The following HTR4 variants were observed in gnomAD, a reference collection of about 807,000 sequenced individuals.
The protein encoded by HTR4 is 5-hydroxytryptamine (serotonin) receptor 4, G protein-coupled.
In HTR4, 16 loss-of-function variants were observed where a neutral mutation model predicts 36.8. The observed-to-expected ratio is 0.43, with a 90% CI of 0.29 to 0.66. The LOEUF (loss-of-function observed/expected upper bound fraction) is 0.66. HTR4 is among the 30% of genes least tolerant of loss of function. The pLI is 0.13. For synonymous variants in HTR4, 189 were observed against 185.1 expected, an observed-to-expected ratio of 1.02 and a Z score of -0.17; for missense variants, 438 against 490.9, an observed-to-expected ratio of 0.89 and a Z score of 1.02.
chr5:148,590,297 T>C (rs528651213), intron 2 of HTR4, among the ~76,000 whole-genome samples: 4 of 124,110 alleles, frequency 3.2e-5, no homozygotes, highest in South Asian at 2.9e-4. Context: ...CTTTTTTTTT[T>C]TTTTTTTTTT....
Position 148,481,754 on chromosome 5 carries a change from G to A in HTR4, c.*1449C>T. 7.0e-7 allele frequency: 1 copy of A among 1,421,250 alleles called. No individual in the cohort carries two copies. Among genetic ancestry groups the A allele is most frequent in the Non-Finnish European group, 9.1e-7 (1 of 1,096,916 alleles). 88.0% of individuals were successfully genotyped at this position (1,421,250 alleles called of 1,614,324 possible). On this transcript the variant is annotated 3_prime_UTR_variant, in exon 7 of 7. Coordinates refer to ENST00000377888, the MANE Select transcript of HTR4 (RefSeq NM_000870.7). ...CAAGATCAAAGTCAGAATCTCACAT[G>A]GCTCTGGGTTTGGCATTTACCTTCC...
At chr5:148,636,839 T>C in intron 2 of HTR4, 150 bp downstream of exon 2, 1 of 488,946 alleles carries the variant, frequency 2.0e-6, no homozygotes, top group Non-Finnish European at 3.7e-6. Flanking sequence ...ACACTAATAA[T>C]CAAACAGTAC....
chr5:148,538,738 T>TG (rs1758955278), intron 4 of HTR4, among the ~76,000 whole-genome samples: 1 of 151,904 alleles, frequency 6.6e-6, no homozygotes, highest in African/African-American at 2.4e-5. Flanking sequence ...CACAAAGAAA[T>TG]GGAAAAACAT....
chr5:148,644,007 C>T (rs1290261097), intron 1 of HTR4, among the ~76,000 whole-genome samples: 1 of 152,176 alleles, frequency 6.6e-6, no homozygotes, highest in Non-Finnish European at 1.5e-5. Context: ...CAAGTTTAGG[C>T]ATGCATAAGA....
intron 1 of HTR4, chr5:148,644,900 G>A (rs1472324813): frequency 1.3e-5 from 2 of 152,110 alleles, no homozygotes; most frequent in Non-Finnish European, 2.9e-5. Context: ...GATCTGCAGG[G>A]AAATGAAGCA....
intron 5 of HTR4, among the ~76,000 whole-genome samples, chr5:148,459,065 A>C (rs1458438374): frequency 2.6e-5 from 4 of 152,174 alleles, no homozygotes; most frequent in Non-Finnish European, 5.9e-5. Flanking sequence ...AGGTATTGAG[A>C]TGTAGTTGGA....
chr5:148,477,659 T>C (rs1755742146), downstream of HTR4, among the ~76,000 whole-genome samples: 1 of 152,236 alleles, frequency 6.6e-6, no homozygotes, highest in African/African-American at 2.4e-5. Flanking sequence ...GTGTCTCATG[T>C]AAAATGCTTT....
At chr5:148,605,510 G>A (rs375041210) in intron 2 of HTR4, among the ~76,000 whole-genome samples, 3 of 151,354 alleles carry the variant, frequency 2.0e-5, no homozygotes, top group Admixed American at 6.6e-5. Flanking sequence ...CACCCGCCTC[G>A]GCCTCTGAAA....
chr5:148,528,811 G>A (rs1758412824), intron 4 of HTR4, among the ~76,000 whole-genome samples: 1 of 152,012 alleles, frequency 6.6e-6, no homozygotes, highest in South Asian at 2.1e-4. Context: ...AAATTTGCAA[G>A]TTCTTTGGAG....
rs753483038 is a variant in HTR4, at chr5:148,456,210, G to A, written c.1077-4938C>T. On this transcript the variant is annotated intron_variant, in intron 5 of 5. Transcript: ENST00000521530. ...GGTTTGAGTATTCCCAAGTCTGCAT[G>A]ATTCAAGCATATATTTTTAAGTTGG... is the stretch of plus-strand genomic sequence containing the variant. Among the ~76,000 whole-genome samples the A allele has an allele frequency of 9.3e-4, 141 of 152,250 alleles. 1 individual carries two copies. The highest frequency in any genetic ancestry group is 3.4e-3 in the Middle Eastern group (1 of 294).
intron 2 of HTR4, among the ~76,000 whole-genome samples, chr5:148,605,622 T>C (rs1196638551): frequency 2.6e-5 from 4 of 151,986 alleles, no homozygotes; most frequent in Non-Finnish European, 5.9e-5. Flanking sequence ...TTACTACCTA[T>C]ATTGAAGGAC....
chr5:148,523,056 T>TG, intron 5 of HTR4, 137 bp downstream of exon 5: 1 of 783,378 alleles, frequency 1.3e-6, no homozygotes, highest in Non-Finnish European at 2.0e-6. Context: ...TCAAAAGTGT[T>TG]AGCTTTAAAA....
intron 2 of HTR4, among the ~76,000 whole-genome samples, chr5:148,591,355 T>C (rs979942798): frequency 6.6e-6 from 1 of 152,186 alleles, no homozygotes; most frequent in African/African-American, 2.4e-5. Flanking sequence ...GTTTTTTTAA[T>C]ACTTCTATAA....
At chr5:148,497,715 G>C (rs184154318) in intron 6 of HTR4, among the ~76,000 whole-genome samples, 1 of 152,348 alleles carries the variant, frequency 6.6e-6, no homozygotes, top group East Asian at 1.9e-4. Flanking sequence ...TTAAGGATGA[G>C]ACAAGGACAA....
At chr5:148,531,044 A>T (rs993453865) in intron 4 of HTR4, among the ~76,000 whole-genome samples, 1 of 152,126 alleles carries the variant, frequency 6.6e-6, no homozygotes, top group African/African-American at 2.4e-5. Context: ...GAAACTAATT[A>T]ACTTGCTTTT....
At chr5:148,474,610 C>T (rs571763479), downstream of HTR4, among the ~76,000 whole-genome samples, 3 of 152,252 alleles carry the variant, frequency 2.0e-5, no homozygotes, top group African/African-American at 4.8e-5. Context: ...TTCATCCAGG[C>T]TACTAGACTA....
At chr5:148,583,686 A>G (rs1206297766) in intron 2 of HTR4, among the ~76,000 whole-genome samples, 1 of 152,060 alleles carries the variant, frequency 6.6e-6, no homozygotes, top group Non-Finnish European at 1.5e-5. Context: ...GAAGAAACAC[A>G]AAAGTGTCCA....
chr5:148,515,297 C>G (rs1757689450), intron 5 of HTR4, among the ~76,000 whole-genome samples: 2 of 152,104 alleles, frequency 1.3e-5, no homozygotes, highest in Non-Finnish European at 2.9e-5. Context: ...CCACGCCTGC[C>G]TTTTATGCTA....
intron 4 of HTR4, among the ~76,000 whole-genome samples, chr5:148,529,982 G>A (rs989210915): frequency 4.6e-5 from 7 of 152,122 alleles, no homozygotes; most frequent in Admixed American, 2.0e-4. Context: ...AGATGATTTC[G>A]GGTATCTGAT....
Sources: gnomAD v4.1 joint callset for allele counts (sites outside exome capture counted in the v4.1 genomes callset) on GRCh38, gnomAD v4.1.1 for gene constraint, MANE v1.5 for transcripts, NCBI Gene and HGNC (gene_info 2026-07-23, HGNC 2026-07-21) for gene names.